UBE2D3: variants seen among roughly 807,000 people sequenced by gnomAD.
UBE2D3 encodes the protein ubiquitin-conjugating enzyme E2 D3.
Under a neutral mutation model 22.8 loss-of-function variants are expected in UBE2D3, and 2 were observed. The ratio of observed to expected loss-of-function variants is 0.09; its 90% CI spans 0.04 to 0.28. The LOEUF (loss-of-function observed/expected upper bound fraction) is 0.28. UBE2D3 is among the 10% of genes least tolerant of loss of function. UBE2D3 has a pLI of 1.00. For synonymous variants in UBE2D3, 56 were observed against 60.4 expected (o/e 0.93, Z 0.34); for missense variants, 27 against 182.5 (o/e 0.15, Z 4.91).
At chr4:102,831,980 A>G (rs1335744344), upstream of UBE2D3, among the ~76,000 whole-genome samples, 2 of 152,210 alleles carry the variant, frequency 1.3e-5, no homozygotes, top group East Asian at 3.8e-4. Flanking sequence ...CTGAAGATAC[A>G]TAAAAGACAC....
chr4:102,838,938 T>G (rs1731586472), intron 1 of UBE2D3, among the ~76,000 whole-genome samples: 1 of 152,156 alleles, frequency 6.6e-6, no homozygotes, highest in South Asian at 2.1e-4. Flanking sequence ...AATCAGCTTT[T>G]TAATGGATGA....
At chr4:102,817,445 G>C (rs369046071) in intron 2 of UBE2D3, among the ~76,000 whole-genome samples, 236 of 152,258 alleles carry the variant, frequency 1.5e-3, no homozygotes, top group African/African-American at 5.3e-3. Context: ...CCTTAAGAGA[G>C]GGGAAAGAAA....
chr4:102,814,093 T>C (rs1728448159), intron 2 of UBE2D3, among the ~76,000 whole-genome samples: 1 of 152,164 alleles, frequency 6.6e-6, no homozygotes, highest in South Asian at 2.1e-4. Context: ...TATTCAGAAA[T>C]GGAAGAAAAT....
In UBE2D3 at chr4:102,795,079, C is replaced by T. The variant is rs554378799; in HGVS notation, c.*2336G>A. 8 of 152,098 alleles carry T rather than the reference C, an allele frequency of 5.3e-5. No homozygotes were observed. The East Asian group carries it at 1.4e-3, about 26-fold the overall frequency. The allele number at this position is 152,098 out of a possible 1,614,324, so 9.4% of individuals were successfully genotyped here. A position where few individuals can be genotyped will look rare whatever the true frequency, so the allele number is the denominator to read the frequency against. The stretch of plus-strand genomic sequence containing the variant: ...CATACATTCAAAAATGTTGGTTTTC[C>T]AGGTACTTTACTGTTCTTTTAAACC... On this transcript the variant is annotated 3_prime_UTR_variant, in exon 8 of 8. Coordinates refer to ENST00000453744, the MANE Select transcript of UBE2D3 (RefSeq NM_181891.3).
At chr4:102,850,618 C>T (rs140494932) in intron 1 of UBE2D3, among the ~76,000 whole-genome samples, 3 of 152,242 alleles carry the variant, frequency 2.0e-5, no homozygotes, top group East Asian at 1.9e-4. Context: ...AAGAGTGACT[C>T]GGTCAGACTT....
At chr4:102,803,978 A>T (rs1376691556) in intron 4 of UBE2D3, among the ~76,000 whole-genome samples, 1 of 152,030 alleles carries the variant, frequency 6.6e-6, no homozygotes, top group Non-Finnish European at 1.5e-5. Flanking sequence ...CATGTTGGCC[A>T]GGCTAGTCTT....
chr4:102,809,886 A>G (rs1321604934), intron 2 of UBE2D3, 31 bp from the exon 3 acceptor site: 10 of 1,596,966 alleles, frequency 6.3e-6, no homozygotes, highest in Middle Eastern at 4.0e-4. Flanking sequence ...GGTGAGTCAC[A>G]TAAGCTTAAT....
chr4:102,824,516 A>C (rs900295394), intron 2 of UBE2D3, among the ~76,000 whole-genome samples: 1 of 152,244 alleles, frequency 6.6e-6, no homozygotes, highest in Non-Finnish European at 1.5e-5. Flanking sequence ...ATTACAACAG[A>C]TACCCTTCTT....
At chr4:102,849,980 A>G (rs933214157) in intron 1 of UBE2D3, among the ~76,000 whole-genome samples, 47 of 152,244 alleles carry the variant, frequency 3.1e-4, no homozygotes, top group African/African-American at 1.1e-3. Context: ...GCATGTGAAG[A>G]GACATACAGA....
In UBE2D3 at chr4:102,796,926, G is replaced by C. The variant is rs1578211676; in HGVS notation, c.*489C>G. On this transcript the variant is annotated 3_prime_UTR_variant, in exon 8 of 8. Transcript: ENST00000453744. ...CAATACCAATTCTCCAGCCACATCA[G>C]TTATGAGCATAAAGCATATCATGTA... The C allele has an allele frequency of 6.5e-6, 1 of 152,878 alleles. No individual in the cohort carries two copies. Among genetic ancestry groups the C allele is most frequent in the East Asian group, 1.9e-4 (1 of 5,208 alleles). 9.5% of individuals were successfully genotyped at this position (152,878 alleles called of 1,614,324 possible).
At chr4:102,845,697 C>T (rs1732008855) in intron 1 of UBE2D3, among the ~76,000 whole-genome samples, 1 of 152,204 alleles carries the variant, frequency 6.6e-6, no homozygotes, top group African/African-American at 2.4e-5. Flanking sequence ...TAGCCATTAT[C>T]ACTTTTCCCT....
rs1187957180 is a variant in UBE2D3, at chr4:102,827,049, T to C, written c.-129+378A>G. On this transcript the variant is annotated intron_variant, in intron 1 of 7. Transcript: ENST00000453744. ...GCTGCTTTCGGTTTCTGTCCAAAGG[T>C]GCGGCCGGGAAAAGGAAGGAAATAA... 4 of 991,506 alleles carry C rather than the reference T, an allele frequency of 4.0e-6. No individual in the cohort carries two copies. In the South Asian group the frequency reaches 1.8e-4, roughly 44 times the overall value. 61.4% of individuals were successfully genotyped at this position (991,506 alleles called of 1,614,324 possible).
At chr4:102,805,161 G>A (rs1432053941) in intron 4 of UBE2D3, among the ~76,000 whole-genome samples, 1 of 152,106 alleles carries the variant, frequency 6.6e-6, no homozygotes, top group African/African-American at 2.4e-5. Flanking sequence ...TATAAAGAAG[G>A]CAAAATATTT....
chr4:102,829,472 C>T (rs564753725), upstream of UBE2D3, among the ~76,000 whole-genome samples: 1 of 152,300 alleles, frequency 6.6e-6, no homozygotes, highest in Admixed American at 6.5e-5. Context: ...GGTTAGTTAT[C>T]TTCTAACCCC....
chr4:102,844,110 G>T (rs1462148604), intron 1 of UBE2D3: 1 of 152,150 alleles, frequency 6.6e-6, no homozygotes, highest in East Asian at 1.9e-4. Context: ...TTCTTCACTA[G>T]CCATCTGGTT....
chr4:102,861,891 T>C (rs1732917362), intron 1 of UBE2D3, among the ~76,000 whole-genome samples: 1 of 151,998 alleles, frequency 6.6e-6, no homozygotes, highest in Admixed American at 6.6e-5. Context: ...GAGCTCACTC[T>C]ATTCTATCAT....
chr4:102,838,217 C>T (rs1331604516), intron 1 of UBE2D3, among the ~76,000 whole-genome samples: 10 of 152,272 alleles, frequency 6.6e-5, no homozygotes, highest in East Asian at 3.9e-4. Context: ...AAAATTCACG[C>T]GAACTAAACC....
chr4:102,800,006 A>G (rs2110248837), intron 6 of UBE2D3, among the ~76,000 whole-genome samples: 1 of 152,152 alleles, frequency 6.6e-6, no homozygotes, highest in African/African-American at 2.4e-5. Flanking sequence ...CATATTCCCA[A>G]GAGTACTAGT....
intron 2 of UBE2D3, among the ~76,000 whole-genome samples, chr4:102,819,918 T>C (rs997808681): frequency 6.6e-6 from 1 of 152,244 alleles, no homozygotes; most frequent in African/African-American, 2.4e-5. Flanking sequence ...AAGATTTACA[T>C]GACTCAAAAG....
Sources: gnomAD v4.1 joint callset for allele counts (sites outside exome capture counted in the v4.1 genomes callset) on GRCh38, gnomAD v4.1.1 for gene constraint, MANE v1.5 for transcripts, NCBI Gene and HGNC (gene_info 2026-07-23, HGNC 2026-07-21) for gene names.